EXOC4: variants seen among roughly 807,000 people sequenced by gnomAD.
The protein encoded by EXOC4 is exocyst complex component 4, also known as SEC8-like 1.
In EXOC4, 71 loss-of-function variants were observed where a neutral mutation model predicts 107.2. That is an observed-to-expected ratio of 0.66 (90% CI 0.55 to 0.81). The LOEUF (loss-of-function observed/expected upper bound fraction) is 0.81. EXOC4 is among the 30% of genes least tolerant of loss of function. The pLI is 0.00. For synonymous variants in EXOC4, 456 were observed against 441.2 expected (o/e 1.03, Z -0.42); for missense variants, 1,108 against 1,189.6 (o/e 0.93, Z 1.01).
chr7:133,289,022 A>G lies in EXOC4; in HGVS notation c.377A>G (p.Asn126Ser), dbSNP rs1433307410. The G allele has an allele frequency of 8.7e-6, 14 of 1,614,060 alleles. No homozygotes were observed. The East Asian group carries it at 3.1e-4, about 36-fold the overall frequency. ...GGAATTGAGCATAAGCATGTCCTGA[A>G]CTTGTTGGATGAAATTGAGAATATC... is the stretch of plus-strand genomic sequence containing the variant. ...IEGIEHKHVL[N>S]LLDEIENIKQ... Residue 126 changes from asparagine to serine, a missense_variant, in exon 3 of 18, where the codon AAC (asparagine) becomes AGC (serine). Transcript: ENST00000253861.
chr7:134,075,507 G>A, the EXOC4 span, among the ~76,000 whole-genome samples: 1 of 152,180 alleles, frequency 6.6e-6, no homozygotes, highest in Non-Finnish European at 1.5e-5. Context: ...GACAGAATGA[G>A]AGCCAAGTGA....
chr7:133,492,008 G>A (rs1188158406), intron 9 of EXOC4, among the ~76,000 whole-genome samples: 4 of 152,224 alleles, frequency 2.6e-5, no homozygotes, highest in Admixed American at 1.3e-4. Flanking sequence ...GATCTCAAAA[G>A]ACCTGGTATG....
At chr7:133,729,953 A>G (rs1175463379) in intron 10 of EXOC4, among the ~76,000 whole-genome samples, 1 of 151,862 alleles carries the variant, frequency 6.6e-6, no homozygotes, top group Non-Finnish European at 1.5e-5. Context: ...CTCTCAGAGG[A>G]AGATAAAGTA....
At chr7:133,432,464 TAAG>T (rs1252353647) in intron 7 of EXOC4, among the ~76,000 whole-genome samples, 2 of 152,292 alleles carry the variant, frequency 1.3e-5, no homozygotes, top group East Asian at 3.9e-4. Flanking sequence ...TGGACCTTCT[TAAG>T]AAAATTTTGG....
chr7:133,999,018 G>T (rs1794465507), intron 15 of EXOC4, among the ~76,000 whole-genome samples: 1 of 152,096 alleles, frequency 6.6e-6, no homozygotes, highest in African/African-American at 2.4e-5. Context: ...TAACTGAGGG[G>T]AGAAACACTG....
At chr7:133,324,567 C>T (rs1191038436) in intron 5 of EXOC4, among the ~76,000 whole-genome samples, 4 of 152,192 alleles carry the variant, frequency 2.6e-5, no homozygotes, top group Non-Finnish European at 5.9e-5. Context: ...GCACTGTTGT[C>T]TGAGAGACAG....
At chr7:133,580,897 G>A (rs892130822) in intron 9 of EXOC4, among the ~76,000 whole-genome samples, 5 of 152,204 alleles carry the variant, frequency 3.3e-5, no homozygotes, top group Non-Finnish European at 7.3e-5. Flanking sequence ...TGCCTGGCAA[G>A]TCATAGGTGT....
chr7:134,015,873 CAAAAA>C (rs55846835), intron 17 of EXOC4, among the ~76,000 whole-genome samples: 2 of 109,682 alleles, frequency 1.8e-5, no homozygotes, highest in Middle Eastern at 5.4e-3. Flanking sequence ...GACTCCGTCT[CAAAAA>C]AAAAAAAAAA....
At chr7:133,552,447 C>T (rs1343092204) in intron 9 of EXOC4, among the ~76,000 whole-genome samples, 2 of 152,192 alleles carry the variant, frequency 1.3e-5, no homozygotes, top group African/African-American at 2.4e-5. Flanking sequence ...ACATTTTTAA[C>T]TGCAGGTGTT....
chr7:133,785,209 C>T (rs1251114653), intron 10 of EXOC4, among the ~76,000 whole-genome samples: 2 of 152,084 alleles, frequency 1.3e-5, no homozygotes, highest in Admixed American at 1.3e-4. Flanking sequence ...TTATGTTCTT[C>T]GGGTCTGTTT....
intron 10 of EXOC4, among the ~76,000 whole-genome samples, chr7:133,776,027 A>T (rs1796338801): frequency 6.6e-6 from 1 of 152,054 alleles, no homozygotes; most frequent in East Asian, 1.9e-4. Context: ...GGCATTCTGT[A>T]GATAAAAAGC....
At chr7:133,312,580 A>G (rs1227685926) in intron 4 of EXOC4, among the ~76,000 whole-genome samples, 1 of 152,190 alleles carries the variant, frequency 6.6e-6, no homozygotes, top group Admixed American at 6.5e-5. Flanking sequence ...TGTTTAGATT[A>G]TACCCTTGAA....
At chr7:133,906,443 G>A (rs1374639340) in intron 12 of EXOC4, among the ~76,000 whole-genome samples, 1 of 152,198 alleles carries the variant, frequency 6.6e-6, no homozygotes, top group Non-Finnish European at 1.5e-5. Context: ...GTAGTAAAGA[G>A]AGCTCACTAA....
intron 6 of EXOC4, among the ~76,000 whole-genome samples, chr7:133,368,285 C>T (rs1014230600): frequency 6.6e-6 from 1 of 152,164 alleles, no homozygotes; most frequent in Admixed American, 6.5e-5. Context: ...GTGGATTAGG[C>T]CTCTTTTGGT....
chr7:133,654,438 T>C (rs961033123), intron 10 of EXOC4, among the ~76,000 whole-genome samples: 1 of 152,142 alleles, frequency 6.6e-6, no homozygotes, highest in Non-Finnish European at 1.5e-5. Flanking sequence ...TAATTAGAAT[T>C]GTACTTGAAA....
At chr7:133,628,269 A>G (rs1007678603) in intron 9 of EXOC4, among the ~76,000 whole-genome samples, 3 of 152,198 alleles carry the variant, frequency 2.0e-5, no homozygotes. Context: ...TTGAGAATCA[A>G]ACAAAGCTTG....
intron 9 of EXOC4, among the ~76,000 whole-genome samples, chr7:133,543,588 A>G (rs1004079532): frequency 1.3e-5 from 2 of 152,146 alleles, no homozygotes; most frequent in African/African-American, 4.8e-5. Flanking sequence ...TTCAGCCACA[A>G]TAATCCCAGT....
intron 11 of EXOC4, among the ~76,000 whole-genome samples, chr7:133,839,727 A>G (rs185826271): frequency 6.5e-4 from 99 of 152,314 alleles, no homozygotes; most frequent in Non-Finnish European, 1.2e-3. Flanking sequence ...TCAGACCACT[A>G]TGTTAGTTTC....
chr7:133,341,578 G>T (rs1795661770), intron 5 of EXOC4, among the ~76,000 whole-genome samples: 1 of 152,146 alleles, frequency 6.6e-6, no homozygotes, highest in Non-Finnish European at 1.5e-5. Flanking sequence ...TAAGTCCATT[G>T]TTTCTTTGTT....
Sources: allele counts gnomAD v4.1 joint callset (sites outside exome capture counted in the v4.1 genomes callset), GRCh38; gene constraint gnomAD v4.1.1; transcripts MANE v1.5; gene names NCBI Gene and HGNC (gene_info 2026-07-23, HGNC 2026-07-21).